The following TNPO1 variants were observed in gnomAD, a reference collection of about 807,000 sequenced individuals.
TNPO1 encodes the protein transportin 1, also known as transportin-1.
Under a neutral mutation model 119.5 loss-of-function variants are expected in TNPO1, and 8 were observed. The ratio of observed to expected loss-of-function variants is 0.07; its 90% CI spans 0.04 to 0.12. The LOEUF (loss-of-function observed/expected upper bound fraction) is 0.12. Ranked by LOEUF, TNPO1 falls within the 10% of genes least tolerant of loss-of-function variation. The pLI is 1.00. For missense variants in TNPO1, 576 were observed against 1,089.8 expected (o/e 0.53, Z 6.64); for synonymous variants, 362 against 363.0 (o/e 1.00, Z 0.03).
At chr5:72,836,415 G>A (rs1034677420) in intron 1 of TNPO1, among the ~76,000 whole-genome samples, 5 of 152,198 alleles carry the variant, frequency 3.3e-5, no homozygotes, top group Non-Finnish European at 7.3e-5. Context: ...TGGAGGGGTG[G>A]TCTGAGCTGC....
rs189539778 is a variant in TNPO1, at chr5:72,890,317, T to A, written c.1701+360T>A. On this transcript the variant is annotated intron_variant, in intron 14 of 24. Transcript: ENST00000337273. The stretch of plus-strand genomic sequence containing the variant: ...AACACTGTAGCTTTAGAGTACCATA[T>A]CTAGACATCTTTGTTTTTTCAGCAG... Among the ~76,000 whole-genome samples the A allele has an allele frequency of 2.8e-4, 43 of 152,364 alleles. 1 individual carries two copies. The highest frequency in any genetic ancestry group is 4.1e-4 in the South Asian group (2 of 4,834).
At chr5:72,867,841 T>G (rs939563298) in intron 6 of TNPO1, among the ~76,000 whole-genome samples, 3 of 152,250 alleles carry the variant, frequency 2.0e-5, no homozygotes, top group Non-Finnish European at 4.4e-5. Flanking sequence ...TCATTTTGAC[T>G]CCTCTGTAAT....
At position 72,910,030 on chromosome 5, in the gene TNPO1, T is replaced by G. The variant is rs1257151602; in HGVS notation, c.*1357T>G. 7.2e-5 allele frequency: 11 copies of G among 152,658 alleles called. No individual in the cohort carries two copies. The highest frequency in any genetic ancestry group is 1.5e-4 in the Non-Finnish European group (10 of 68,028). 9.5% of individuals were successfully genotyped at this position (152,658 alleles called of 1,614,324 possible). On this transcript the variant is annotated 3_prime_UTR_variant, in exon 25 of 25. Coordinates refer to ENST00000337273, the MANE Select transcript of TNPO1 (RefSeq NM_002270.4). ...ACAATTGTAGAAGTTGAAAAATGATTGCTATATTTCAATGTTTATTCCCAC... is the reference window on the plus strand; with the variant it reads ...ACAATTGTAGAAGTTGAAAAATGATGGCTATATTTCAATGTTTATTCCCAC...
In TNPO1 at chr5:72,910,179, G is replaced by C. The variant is rs1750464521; in HGVS notation, c.*1506G>C. On this transcript the variant is annotated 3_prime_UTR_variant, in exon 25 of 25. Transcript: ENST00000337273. ...TTTTGGCGCATGTTGGTGGCCCTCT[G>C]TGCCCTAGATATATGCACACAGGGT... 6.6e-6 allele frequency: 1 copy of C among 152,570 alleles called. No homozygotes were observed. Among genetic ancestry groups the C allele is most frequent in the South Asian group, 2.1e-4 (1 of 4,826 alleles). The allele number at this position is 152,570 out of a possible 1,614,324, so 9.5% of individuals were successfully genotyped here.
intron 1 of TNPO1, among the ~76,000 whole-genome samples, chr5:72,841,117 C>T (rs1048010777): frequency 9.0e-6 from 1 of 111,286 alleles, no homozygotes; most frequent in Non-Finnish European, 2.1e-5. Flanking sequence ...TAGACTCTCT[C>T]TCTTTTTTTT....
chr5:72,869,422 C>CT (rs1193762293), intron 6 of TNPO1, among the ~76,000 whole-genome samples: 4 of 151,544 alleles, frequency 2.6e-5, no homozygotes, highest in Non-Finnish European at 5.9e-5. Context: ...TGGCATGCAC[C>CT]TGTAATCCCA....
At chr5:72,828,339 T>C (rs540055919) in intron 1 of TNPO1, among the ~76,000 whole-genome samples, 22 of 152,116 alleles carry the variant, frequency 1.4e-4, no homozygotes, top group Non-Finnish European at 2.8e-4. Context: ...AGTGGAGAAA[T>C]TTAGTTGTGG....
At chr5:72,843,876 A>G (rs1330228826) in intron 1 of TNPO1, among the ~76,000 whole-genome samples, 2 of 152,256 alleles carry the variant, frequency 1.3e-5, no homozygotes, top group East Asian at 1.9e-4. Context: ...CTCTTTTCCT[A>G]TTGTACTTTA....
Position 72,866,328 on chromosome 5 carries a change from ATGT to A in TNPO1, c.596+604_596+606del, listed in dbSNP as rs1333990034. Among the ~76,000 whole-genome samples, 7 of 152,326 alleles carry A rather than the reference ATGT, an allele frequency of 4.6e-5. No homozygotes were observed. In the East Asian group the frequency reaches 5.8e-4, roughly 13 times the overall value. On this transcript the variant is annotated intron_variant, in intron 6 of 24. Transcript: ENST00000337273. ...TTTCCATTATTACAACATTATAATAATGTTGTTATTTCTGGCATAGTTAACTGG... is the reference window on the plus strand; with the variant it reads ...TTTCCATTATTACAACATTATAATAATGTTATTTCTGGCATAGTTAACTGG...
At chr5:72,842,903 C>T (rs949692568) in intron 1 of TNPO1, among the ~76,000 whole-genome samples, 1 of 152,122 alleles carries the variant, frequency 6.6e-6, no homozygotes, top group African/African-American at 2.4e-5. Flanking sequence ...ATGAGGTCCT[C>T]CTAGCCTCAC....
intron 7 of TNPO1, among the ~76,000 whole-genome samples, chr5:72,874,312 A>G (rs1747613207): frequency 6.6e-6 from 1 of 152,148 alleles, no homozygotes. Context: ...TCATGGTATC[A>G]TGTCTGCTAA....
chr5:72,816,875 C>G (rs1475860526), intron 1 of TNPO1, 123 bp downstream of exon 1: 2 of 1,280,724 alleles, frequency 1.6e-6, no homozygotes, highest in Admixed American at 2.9e-5. Flanking sequence ...GGCGCCTGCC[C>G]GGCCGTTTGA....
At chr5:72,871,797 G>A (rs1447684128) in intron 6 of TNPO1, 1 of 152,192 alleles carries the variant, frequency 6.6e-6, no homozygotes, top group Non-Finnish European at 1.5e-5. Flanking sequence ...TGAAGTTAGG[G>A]GGTAAGGGAG....
At chr5:72,827,959 G>T (rs545157820) in intron 1 of TNPO1, among the ~76,000 whole-genome samples, 62 of 152,026 alleles carry the variant, frequency 4.1e-4, no homozygotes, top group African/African-American at 1.4e-3. Flanking sequence ...AGCAAAGTTT[G>T]AGATGCCCAT....
chr5:72,824,714 A>G (rs1257352270), intron 1 of TNPO1, among the ~76,000 whole-genome samples: 3 of 152,104 alleles, frequency 2.0e-5, no homozygotes, highest in Admixed American at 6.5e-5. Context: ...GTTTCTATCT[A>G]TGCTCACTTT....
chr5:72,848,549 G>GC, intron 2 of TNPO1, 51 bp downstream of exon 2: 1 of 1,249,362 alleles, frequency 8.0e-7, no homozygotes, highest in Non-Finnish European at 1.1e-6. Context: ...CCCGCGCTGC[G>GC]GCCCAGCCCC....
chr5:72,889,358 G>A (rs942652593), intron 13 of TNPO1, among the ~76,000 whole-genome samples: 2 of 151,948 alleles, frequency 1.3e-5, no homozygotes, highest in South Asian at 2.1e-4. Flanking sequence ...GCGCCTGGCA[G>A]GGATAGTAAA....
Position 72,877,356 on chromosome 5 carries a change from CCCT to C in TNPO1, c.920+12_920+14del. On this transcript the variant is annotated intron_variant, in intron 9 of 24. Coordinates refer to ENST00000337273, the MANE Select transcript of TNPO1 (RefSeq NM_002270.4). Reference sequence around the variant, plus strand: ...TAAGGCATCTTCCTAAGTAAGTGTTCCCTCTTATAAATGCTGCCTTGTTCTTTA... The same window carrying C: ...TAAGGCATCTTCCTAAGTAAGTGTTCCTTATAAATGCTGCCTTGTTCTTTA... The C allele has an allele frequency of 7.2e-7, 1 of 1,398,262 alleles. No homozygotes were observed. The highest frequency in any genetic ancestry group is 1.0e-6 in the Non-Finnish European group (1 of 993,654). 86.6% of individuals were successfully genotyped at this position (1,398,262 alleles called of 1,614,324 possible). A position where few individuals can be genotyped will look rare whatever the true frequency, so the allele number is the denominator to read the frequency against.
At chr5:72,845,263 A>G (rs913999011) in intron 1 of TNPO1, among the ~76,000 whole-genome samples, 1 of 152,158 alleles carries the variant, frequency 6.6e-6, no homozygotes, top group Non-Finnish European at 1.5e-5. Context: ...TTTAAATTTT[A>G]TAAGAAAATC....
Sources: allele counts gnomAD v4.1 joint callset (sites outside exome capture counted in the v4.1 genomes callset), GRCh38; gene constraint gnomAD v4.1.1; transcripts MANE v1.5; gene names NCBI Gene and HGNC (gene_info 2026-07-23, HGNC 2026-07-21).